Variants in TLE4 observed in about 807,000 individuals in gnomAD.
TLE4 encodes transducin-like enhancer protein 4.
A neutral mutation model predicts 92.8 loss-of-function variants in TLE4; 8 were observed. The ratio of observed to expected loss-of-function variants is 0.09; its 90% confidence interval spans 0.05 to 0.16. The LOEUF (loss-of-function observed/expected upper bound fraction) is 0.16. Among genes scored for constraint, TLE4 ranks in the 10% least tolerant of loss-of-function variants. The pLI is 1.00. For synonymous variants in TLE4, 371 were observed against 374.1 expected (o/e 0.99, Z 0.10); for missense variants, 675 against 997.6 (o/e 0.68, Z 4.36).
At chr9:79,635,573 G>GT (rs71504957) in intron 6 of TLE4, among the ~76,000 whole-genome samples, 2,010 of 135,880 alleles carry the variant, frequency 0.015, 18 homozygotes, top group African/African-American at 0.026. Flanking sequence ...TTAAGTTGAG[G>GT]TTTTTTTTTT....
intron 13 of TLE4, among the ~76,000 whole-genome samples, 180 bp downstream of exon 13, chr9:79,708,966 G>A (rs555257623): frequency 1.2e-4 from 19 of 152,190 alleles, no homozygotes; most frequent in Admixed American, 6.5e-4. Flanking sequence ...CAAGTAGCTC[G>A]AAAAAACAGC....
intron 4 of TLE4, among the ~76,000 whole-genome samples, chr9:79,608,570 CT>C (rs2047627281): frequency 6.6e-6 from 1 of 151,936 alleles, no homozygotes; most frequent in Admixed American, 6.6e-5. Flanking sequence ...ATAGATTCAT[CT>C]TTAAAAAAAT....
chr9:79,627,500 C>G, intron 6 of TLE4, 52 bp downstream of exon 6: 1 of 1,552,702 alleles, frequency 6.4e-7, no homozygotes, highest in Non-Finnish European at 8.9e-7. Context: ...CATCAGCTCT[C>G]TCGCTCTCTC....
At chr9:79,578,881 C>A (rs1587631450) in intron 4 of TLE4, among the ~76,000 whole-genome samples, 8 of 132,218 alleles carry the variant, frequency 6.1e-5, no homozygotes, top group African/African-American at 5.8e-5. Flanking sequence ...GGAATTGGAA[C>A]ATAAAATATG....
rs1249140690 is a variant in TLE4 at position 79,620,412 on chromosome 9, T to C, written c.316-6962T>C. On this transcript the variant is annotated intron_variant, in intron 5 of 19. Transcript: ENST00000376552. ...AAAGTTCTGTTGGACAGCAGTGAAT[T>C]TGTAGAGCTTACCTATCCGTGAAGA... Among the ~76,000 whole-genome samples, 6 of 152,182 alleles carry C rather than the reference T, an allele frequency of 3.9e-5. No homozygotes were observed. The South Asian group carries it at 1.0e-3, about 26-fold the overall frequency.
At chr9:79,608,654 A>T (rs746939126) in intron 4 of TLE4, among the ~76,000 whole-genome samples, 3 of 152,044 alleles carry the variant, frequency 2.0e-5, no homozygotes, top group Non-Finnish European at 2.9e-5. Flanking sequence ...TAAAACTGTA[A>T]TTGCTTTAAG....
At chr9:79,637,994 A>G (rs1313905085) in intron 6 of TLE4, among the ~76,000 whole-genome samples, 1 of 152,152 alleles carries the variant, frequency 6.6e-6, no homozygotes, top group African/African-American at 2.4e-5. Context: ...GCAAAATATC[A>G]TGTGGGGTGC....
chr9:79,709,263 T>C (rs2072603763), intron 13 of TLE4, among the ~76,000 whole-genome samples: 1 of 152,182 alleles, frequency 6.6e-6, no homozygotes, highest in African/African-American at 2.4e-5. Flanking sequence ...TTCTTTTTTA[T>C]TTTATATGTC....
chr9:79,710,253 CTTTATT>C (rs1248100684), intron 14 of TLE4, among the ~76,000 whole-genome samples: 1 of 152,190 alleles, frequency 6.6e-6, no homozygotes, highest in African/African-American at 2.4e-5. Context: ...ATTCCAAATA[CTTTATT>C]TTAATCTAAT....
At chr9:79,708,909 G>A (rs1012932677) in intron 13 of TLE4, 123 bp downstream of exon 13, 85 of 1,185,178 alleles carry the variant, frequency 7.2e-5, no homozygotes, top group Non-Finnish European at 9.0e-5. Flanking sequence ...TTGGCTCACT[G>A]CAGCCTCTGC....
At chr9:79,691,355 G>A (rs572321484) in intron 8 of TLE4, among the ~76,000 whole-genome samples, 1 of 152,182 alleles carries the variant, frequency 6.6e-6, no homozygotes, top group African/African-American at 2.4e-5. Flanking sequence ...GGTTTATATT[G>A]TACACTTAGT....
At chr9:79,625,625 A>G (rs1006610655) in intron 5 of TLE4, among the ~76,000 whole-genome samples, 1 of 152,068 alleles carries the variant, frequency 6.6e-6, no homozygotes. Context: ...AATTGTCTTC[A>G]ATGTGAACAT....
intron 4 of TLE4, among the ~76,000 whole-genome samples, chr9:79,592,780 T>C (rs2043026519): frequency 6.6e-6 from 1 of 152,230 alleles, no homozygotes; most frequent in African/African-American, 2.4e-5. Flanking sequence ...CATTTTTTAT[T>C]TCTTGTATGA....
At chr9:79,690,779 CTTTTTTTTTTTTTTTTT>C (rs35528090) in intron 8 of TLE4, among the ~76,000 whole-genome samples, 2 of 54,152 alleles carry the variant, frequency 3.7e-5, no homozygotes, top group Non-Finnish European at 6.7e-5. Flanking sequence ...CCACTCCTGG[CTTTTTTTTTTTTTTTTT>C]TTTTTTTTTT....
Position 79,599,222 on chromosome 9 carries a change from G to A in TLE4, c.253-13434G>A, listed in dbSNP as rs139986789. On this transcript the variant is annotated intron_variant, in intron 4 of 19. Coordinates refer to ENST00000376552, the MANE Select transcript of TLE4 (RefSeq NM_007005.6). Reference sequence around the variant, plus strand: ...CTAAATAAAGTTCAAACCCCTTAGTGTGGCATTCAAGACCTTCCATAGTCT... The same window carrying A: ...CTAAATAAAGTTCAAACCCCTTAGTATGGCATTCAAGACCTTCCATAGTCT... Among the ~76,000 whole-genome samples, 472 of 152,248 alleles carry A rather than the reference G, an allele frequency of 3.1e-3. 3 individuals are homozygous for A. The highest frequency in any genetic ancestry group is 0.01 in the African/African-American group (434 of 41,540).
intron 6 of TLE4, chr9:79,649,657 A>G: frequency 2.6e-6 from 1 of 377,540 alleles, no homozygotes; most frequent in South Asian, 2.8e-5. Context: ...AGCATACAAG[A>G]GGAAGAGAAG....
intron 8 of TLE4, among the ~76,000 whole-genome samples, chr9:79,697,426 A>C (rs1009691304): frequency 6.6e-6 from 1 of 152,020 alleles, no homozygotes; most frequent in Non-Finnish European, 1.5e-5. Context: ...ACTTGTTCCA[A>C]CTCATTCATC....
At chr9:79,707,433 A>G (rs2071955263) in intron 11 of TLE4, among the ~76,000 whole-genome samples, 1 of 152,210 alleles carries the variant, frequency 6.6e-6, no homozygotes. Flanking sequence ...GTGGCTGTGT[A>G]GTTAATTGCA....
At chr9:79,575,121 G>T in intron 3 of TLE4, 185 bp downstream of exon 3, 1 of 372,972 alleles carries the variant, frequency 2.7e-6, no homozygotes, top group Non-Finnish European at 5.0e-6. Context: ...TTTGACAACT[G>T]GCTTTGATTG....
Sources: allele counts gnomAD v4.1 joint callset (sites outside exome capture counted in the v4.1 genomes callset), GRCh38; gene constraint gnomAD v4.1.1; transcripts MANE v1.5; gene names NCBI Gene and HGNC (gene_info 2026-07-23, HGNC 2026-07-21).